The following MEI4 variants were observed in gnomAD, a reference collection of about 807,000 sequenced individuals.
MEI4 encodes meiosis-specific protein MEI4.
A neutral mutation model predicts 31.4 loss-of-function variants in MEI4; 27 were observed. The ratio of observed to expected loss-of-function variants is 0.86; its 90% CI spans 0.63 to 1.19. MEI4 has a LOEUF of 1.19. Among genes scored for constraint, MEI4 ranks in the 50% most tolerant of loss-of-function variants. MEI4 has a pLI of 0.00. For missense variants in MEI4, 329 were observed against 398.9 expected, an observed-to-expected ratio of 0.82 and a Z score of 1.49; for synonymous variants, 122 against 145.4, an observed-to-expected ratio of 0.84 and a Z score of 1.16.
intron 1 of MEI4, among the ~76,000 whole-genome samples, chr6:77,680,038 C>T (rs1768923876): frequency 6.7e-6 from 1 of 148,390 alleles, no homozygotes; most frequent in Non-Finnish European, 1.5e-5. Flanking sequence ...CGTGTCCAGC[C>T]ATGAGTGTTG....
At chr6:77,838,245 A>ATT (rs397772103) in intron 4 of MEI4, among the ~76,000 whole-genome samples, 43 of 147,990 alleles carry the variant, frequency 2.9e-4, no homozygotes, top group Admixed American at 1.1e-3. Flanking sequence ...GTAACCAGAA[A>ATT]TTTTTTTTTT....
intron 4 of MEI4, among the ~76,000 whole-genome samples, chr6:77,877,270 A>AAT (rs751028973): frequency 7.2e-5 from 11 of 151,862 alleles, no homozygotes; most frequent in Non-Finnish European, 1.2e-4. Context: ...TATGTGTGAA[A>AAT]ATATATATAT....
chr6:77,680,726 A>T lies in MEI4; in HGVS notation c.-14-9932A>T, dbSNP rs573956793. 3.9e-5 allele frequency among the ~76,000 whole-genome samples: 6 copies of T among 152,242 alleles called. No individual in the cohort carries two copies. The East Asian group carries it at 1.2e-3, about 29-fold the overall frequency. On this transcript the variant is annotated intron_variant, in intron 1 of 4. Coordinates refer to ENST00000684080, the MANE Select transcript of MEI4 (RefSeq NM_001322247.2). ...ATTTTGTTTTTAGGCATGCAAATCC[A>T]TGTAGACTATAATAAAGGAAGTATT...
intron 3 of MEI4, 138 bp downstream of exon 3, chr6:77,761,803 G>C (rs889487604): frequency 1.0e-5 from 5 of 486,250 alleles, no homozygotes; most frequent in African/African-American, 1.0e-4. Context: ...GCTGTCTGCA[G>C]CTCTTATCTG....
rs6924713 is a variant in MEI4 at position 77,756,673 on chromosome 6, C to A, written c.233-4457C>A. 2.6e-5 allele frequency among the ~76,000 whole-genome samples: 4 copies of A among 151,018 alleles called. No individual in the cohort carries two copies. The East Asian group carries it at 7.8e-4, about 29-fold the overall frequency. On this transcript the variant is annotated intron_variant, in intron 2 of 4. Transcript: ENST00000684080. ...CCTCTTTGTATTCCTCTCTCTCCCC[C>A]CCGCCGCCTTCTCCTTCTCTCTATT...
chr6:77,770,996 TA>T (rs1412306323), intron 3 of MEI4, among the ~76,000 whole-genome samples: 1 of 151,990 alleles, frequency 6.6e-6, no homozygotes, highest in African/African-American at 2.4e-5. Flanking sequence ...ACAGAGTAAA[TA>T]GGCACCCTAC....
chr6:77,812,801 A>G (rs1308471298), intron 3 of MEI4, among the ~76,000 whole-genome samples: 1 of 152,130 alleles, frequency 6.6e-6, no homozygotes, highest in Non-Finnish European at 1.5e-5. Flanking sequence ...GAGCACCCCA[A>G]AAGACCACCA....
chr6:77,714,178 G>T (rs1319352277), intron 2 of MEI4, among the ~76,000 whole-genome samples: 3 of 151,302 alleles, frequency 2.0e-5, no homozygotes, highest in Middle Eastern at 3.4e-3. Flanking sequence ...CTATTGTGAT[G>T]AAATTGTCTG....
At chr6:77,737,430 A>G (rs922332272) in intron 2 of MEI4, among the ~76,000 whole-genome samples, 1 of 152,020 alleles carries the variant, frequency 6.6e-6, no homozygotes, top group African/African-American at 2.4e-5. Flanking sequence ...TCTTAACAAT[A>G]AAGGCTCGGG....
At position 77,893,569 on chromosome 6, in the gene MEI4, G is replaced by A. The variant is rs372707032; in HGVS notation, c.901-29520G>A. On this transcript the variant is annotated intron_variant, in intron 4 of 4. Transcript: ENST00000684080. ...GGTAAGGCCTAAAGTATACAAAGCC[G>A]TCCTCTTTGTTGATTGTTATGTAAT... Among the ~76,000 whole-genome samples, 111 of 152,234 alleles carry A rather than the reference G, an allele frequency of 7.3e-4. 2 individuals carry two copies. The highest frequency in any genetic ancestry group is 6.8e-3 in the Middle Eastern group (2 of 294).
chr6:77,662,041 C>A (rs914409048), intron 1 of MEI4, among the ~76,000 whole-genome samples: 1 of 152,262 alleles, frequency 6.6e-6, no homozygotes, highest in African/African-American at 2.4e-5. Flanking sequence ...TGATGGAGGA[C>A]CCTTGTGTAG....
chr6:77,914,567 G>A lies in MEI4; in HGVS notation c.901-8522G>A, dbSNP rs73464954. Among the ~76,000 whole-genome samples, 204 of 152,128 alleles carry A rather than the reference G, an allele frequency of 1.3e-3. 1 individual carries two copies. The highest frequency in any genetic ancestry group is 4.8e-3 in the African/African-American group (200 of 41,544). On this transcript the variant is annotated intron_variant, in intron 4 of 4. Transcript: ENST00000684080. ...AATAACTTATATTCATGGAAGAAAT[G>A]TTCTGTAAGTGTCTGTTAGGTCCAT...
intron 2 of MEI4, among the ~76,000 whole-genome samples, chr6:77,708,230 A>T (rs1345703891): frequency 2.0e-5 from 3 of 152,210 alleles, no homozygotes; most frequent in Admixed American, 6.5e-5. Flanking sequence ...CCCACCCCTT[A>T]CACCAGTATG....
intron 2 of MEI4, among the ~76,000 whole-genome samples, chr6:77,732,897 TG>T (rs925071142): frequency 1.3e-5 from 2 of 151,600 alleles, no homozygotes; most frequent in African/African-American, 4.8e-5. Context: ...ATGTGGTTTT[TG>T]TCTTTGGTTC....
intron 1 of MEI4, among the ~76,000 whole-genome samples, chr6:77,674,102 T>C (rs1226336004): frequency 6.6e-6 from 1 of 152,306 alleles, no homozygotes; most frequent in African/African-American, 2.4e-5. Flanking sequence ...AGCAATGCTT[T>C]AAAAAGACAA....
intron 4 of MEI4, among the ~76,000 whole-genome samples, chr6:77,921,384 T>A (rs1766698912): frequency 6.6e-6 from 1 of 151,802 alleles, no homozygotes; most frequent in Non-Finnish European, 1.5e-5. Flanking sequence ...TTTTCTCTGG[T>A]TCAGGTATTG....
chr6:77,752,415 C>T (rs550610515), intron 2 of MEI4, among the ~76,000 whole-genome samples: 199 of 152,266 alleles, frequency 1.3e-3, no homozygotes, highest in African/African-American at 4.7e-3. Context: ...TCAGCAAAGT[C>T]TCAGGATACA....
At chr6:77,714,285 TA>T (rs1262497684) in intron 2 of MEI4, among the ~76,000 whole-genome samples, 3 of 152,110 alleles carry the variant, frequency 2.0e-5, no homozygotes, top group African/African-American at 7.2e-5. Context: ...CCATAGTCTA[TA>T]AAATGTCAAT....
chr6:77,915,073 G>C (rs753587516), intron 4 of MEI4, among the ~76,000 whole-genome samples: 28 of 152,028 alleles, frequency 1.8e-4, no homozygotes, highest in Non-Finnish European at 3.4e-4. Context: ...ATTAATATGT[G>C]ATGGCTTATT....
Sources: gnomAD v4.1 joint callset for allele counts (sites outside exome capture counted in the v4.1 genomes callset) on GRCh38, gnomAD v4.1.1 for gene constraint, MANE v1.5 for transcripts, NCBI Gene and HGNC (gene_info 2026-07-23, HGNC 2026-07-21) for gene names.